The following CDH13 variants were observed in gnomAD, a reference collection of about 807,000 sequenced individuals.
The protein encoded by CDH13 is cadherin 13.
In CDH13, 24 loss-of-function variants were observed where a neutral mutation model predicts 63.8. The ratio of observed to expected loss-of-function variants is 0.38; its 90% CI spans 0.27 to 0.53. CDH13 has a LOEUF of 0.53. Ranked by LOEUF, CDH13 falls within the 20% of genes least tolerant of loss-of-function variation. The probability of loss-of-function intolerance (pLI) is 0.85; values close to 1 mark genes in which losing one functional copy is unlikely to be tolerated. For missense variants in CDH13, 1,049 were observed against 903.1 expected (o/e 1.16, Z -2.07); for synonymous variants, 503 against 355.3 (o/e 1.42, Z -4.67).
intron 2 of CDH13, among the ~76,000 whole-genome samples, chr16:82,897,392 G>T (rs1352965921): frequency 2.6e-5 from 4 of 152,116 alleles, no homozygotes; most frequent in African/African-American, 9.7e-5. Context: ...ATGAATAAAT[G>T]AATGAATGAA....
chr16:83,469,066 G>A (rs2073390670), intron 6 of CDH13, among the ~76,000 whole-genome samples: 2 of 152,174 alleles, frequency 1.3e-5, no homozygotes, highest in South Asian at 4.1e-4. Context: ...CAGACTTTTA[G>A]ATGGCAATAC....
intron 2 of CDH13, among the ~76,000 whole-genome samples, chr16:82,996,354 T>C (rs1912203430): frequency 6.6e-6 from 1 of 152,180 alleles, no homozygotes; most frequent in Admixed American, 6.5e-5. Context: ...CTGAGCTTTA[T>C]GACTACAGAA....
intron 10 of CDH13, among the ~76,000 whole-genome samples, chr16:83,693,094 G>A (rs1339709851): frequency 1.3e-5 from 2 of 152,044 alleles, no homozygotes; most frequent in African/African-American, 4.8e-5. Flanking sequence ...AAGAAAAAAA[G>A]AAAAGAAAAG....
chr16:83,631,749 T>A (rs1225456907), intron 8 of CDH13, among the ~76,000 whole-genome samples: 1 of 152,116 alleles, frequency 6.6e-6, no homozygotes, highest in African/African-American at 2.4e-5. Context: ...CCGGCAGCAG[T>A]CTGTCTGCCT....
rs533774545 is a variant in CDH13 at position 83,073,288 on chromosome 16, T to A, written c.366+41070T>A. Among the ~76,000 whole-genome samples, 23 of 151,698 alleles carry A rather than the reference T, an allele frequency of 1.5e-4. No individual in the cohort carries two copies. The East Asian group carries it at 4.3e-3, about 28-fold the overall frequency. On this transcript the variant is annotated intron_variant, in intron 3 of 13. Coordinates refer to ENST00000567109, the MANE Select transcript of CDH13 (RefSeq NM_001257.5). Reference sequence around the variant, plus strand: ...GAGGTTGAACCCGGGTGACTCAGCATCAAGGAATGGGCTCTCTCTTTGGGG... The same window carrying A: ...GAGGTTGAACCCGGGTGACTCAGCAACAAGGAATGGGCTCTCTCTTTGGGG...
In CDH13 at chr16:82,790,567, G is replaced by A. The variant is rs62036780; in HGVS notation, c.46-67795G>A. Reference sequence around the variant, plus strand: ...CAAGTGAAAATAAAGCATATCCTGCGTCCCATAGTAGGGTAGTGTATTAGT... The same window carrying A: ...CAAGTGAAAATAAAGCATATCCTGCATCCCATAGTAGGGTAGTGTATTAGT... On this transcript the variant is annotated intron_variant, in intron 1 of 13. Transcript: ENST00000567109. 4.3e-4 allele frequency among the ~76,000 whole-genome samples: 66 copies of A among 152,260 alleles called. No individual in the cohort carries two copies. In the South Asian group the frequency reaches 9.3e-3, roughly 22 times the overall value.
In CDH13 at chr16:82,700,317, C is replaced by G. The variant is rs570126980; in HGVS notation, c.45+73180C>G. Among the ~76,000 whole-genome samples, 225 of 152,288 alleles carry G rather than the reference C, an allele frequency of 1.5e-3. 1 individual carries two copies. The highest frequency in any genetic ancestry group is 5.2e-3 in the African/African-American group (218 of 41,556). On this transcript the variant is annotated intron_variant, in intron 1 of 13. Coordinates refer to ENST00000567109, the MANE Select transcript of CDH13 (RefSeq NM_001257.5). ...GTTCACAGGGCATCCCATGAGAGAA[C>G]ACTTTAAAGAACAGACGATGAGAAT...
At chr16:82,628,987 G>A (rs780997175) in intron 1 of CDH13, among the ~76,000 whole-genome samples, 5 of 152,228 alleles carry the variant, frequency 3.3e-5, no homozygotes, top group Non-Finnish European at 5.9e-5. Flanking sequence ...GCCAGTCTGG[G>A]AGCTGTCGGT....
chr16:83,443,526 C>T (rs2072545650), intron 6 of CDH13, among the ~76,000 whole-genome samples: 2 of 151,836 alleles, frequency 1.3e-5, no homozygotes, highest in South Asian at 4.2e-4. Context: ...AAAGCAGAAT[C>T]AGGAATTCAA....
intron 6 of CDH13, among the ~76,000 whole-genome samples, chr16:83,480,027 G>A (rs2073720871): frequency 1.3e-5 from 2 of 152,186 alleles, no homozygotes; most frequent in Admixed American, 1.3e-4. Flanking sequence ...GAGCCATTTT[G>A]TCAATGAAAA....
At chr16:82,654,427 T>A (rs1911070884) in intron 1 of CDH13, among the ~76,000 whole-genome samples, 1 of 152,238 alleles carries the variant, frequency 6.6e-6, no homozygotes, top group Admixed American at 6.5e-5. Context: ...AAACTTCTCT[T>A]GGTTCTCAGA....
chr16:82,828,504 C>G (rs911689815), intron 1 of CDH13, among the ~76,000 whole-genome samples: 39 of 151,998 alleles, frequency 2.6e-4, no homozygotes, highest in Non-Finnish European at 1.8e-4. Flanking sequence ...GTAATCCCAC[C>G]TAATCCCAGC....
At chr16:83,523,986 C>T (rs1047413948) in intron 7 of CDH13, among the ~76,000 whole-genome samples, 4 of 152,186 alleles carry the variant, frequency 2.6e-5, no homozygotes, top group African/African-American at 7.2e-5. Flanking sequence ...AGTATTTGCA[C>T]CTCTCAACCA....
intron 1 of CDH13, among the ~76,000 whole-genome samples, chr16:82,778,135 A>G (rs2035584151): frequency 6.6e-6 from 1 of 152,222 alleles, no homozygotes. Context: ...ACTGCCTACT[A>G]CAAGAACCGT....
At chr16:83,505,971 G>A (rs531419018) in intron 7 of CDH13, among the ~76,000 whole-genome samples, 1 of 152,322 alleles carries the variant, frequency 6.6e-6, no homozygotes, top group South Asian at 2.1e-4. Flanking sequence ...CCCGGGAGAA[G>A]CTGAGAGTCA....
At chr16:82,957,611 A>G (rs1179644724) in intron 2 of CDH13, among the ~76,000 whole-genome samples, 1 of 152,198 alleles carries the variant, frequency 6.6e-6, no homozygotes, top group Non-Finnish European at 1.5e-5. Flanking sequence ...CATGCAGGGC[A>G]GTATACTTTA....
At chr16:83,250,361 C>T (rs964271246) in intron 5 of CDH13, among the ~76,000 whole-genome samples, 6 of 152,114 alleles carry the variant, frequency 3.9e-5, no homozygotes, top group African/African-American at 1.4e-4. Context: ...AGAATATAGG[C>T]AAGATCTTAG....
At chr16:83,328,877 G>A (rs956447741) in intron 5 of CDH13, among the ~76,000 whole-genome samples, 2 of 152,168 alleles carry the variant, frequency 1.3e-5, no homozygotes, top group South Asian at 2.1e-4. Flanking sequence ...GGAAAATGGA[G>A]CTCCACACTA....
intron 5 of CDH13, among the ~76,000 whole-genome samples, chr16:83,240,717 CTTTTTT>C (rs56753707): frequency 0.028 from 2,267 of 81,644 alleles, 116 homozygotes; most frequent in South Asian, 0.06. Context: ...CTGTCTTAAT[CTTTTTT>C]TTTTTTTTTT....
Sources: gnomAD v4.1 joint callset for allele counts (sites outside exome capture counted in the v4.1 genomes callset) on GRCh38, gnomAD v4.1.1 for gene constraint, MANE v1.5 for transcripts, NCBI Gene and HGNC (gene_info 2026-07-23, HGNC 2026-07-21) for gene names.